The following GPBP1 variants were observed in gnomAD, a reference collection of about 807,000 sequenced individuals.
GPBP1 encodes GC-rich promoter binding protein 1, also known as vasculin.
Under a neutral mutation model 56.5 loss-of-function variants are expected in GPBP1, and 13 were observed. The ratio of observed to expected loss-of-function variants is 0.23; its 90% CI spans 0.15 to 0.37. The LOEUF (loss-of-function observed/expected upper bound fraction) is 0.37, where lower values mean the gene tolerates loss of function less well. Among genes scored for constraint, GPBP1 ranks in the 10% least tolerant of loss-of-function variants. The pLI, the probability that GPBP1 is intolerant of heterozygous loss-of-function variation, is 1.00. For missense variants in GPBP1, 477 were observed against 572.3 expected, an observed-to-expected ratio of 0.83 and a Z score of 1.70; for synonymous variants, 204 against 188.9, an observed-to-expected ratio of 1.08 and a Z score of -0.66.
At chr5:57,233,497 C>T (rs1200911749) in intron 5 of GPBP1, among the ~76,000 whole-genome samples, 1 of 152,158 alleles carries the variant, frequency 6.6e-6, no homozygotes. Flanking sequence ...AACTTAACTA[C>T]TAGTAGCCTA....
At chr5:57,208,125 C>G (rs1755314349) in intron 2 of GPBP1, among the ~76,000 whole-genome samples, 1 of 152,088 alleles carries the variant, frequency 6.6e-6, no homozygotes, top group South Asian at 2.1e-4. Context: ...AGGGACCATG[C>G]CCTTCCCTTC....
In GPBP1 at chr5:57,225,200, T is replaced by A. The variant is rs191408318; in HGVS notation, c.64-5646T>A. ...TTCGCCGGGCACGGTAGCTCATGCCTGTAATCCCAGCACTTTGGGAGGCCA... is the reference window on the plus strand; with the variant it reads ...TTCGCCGGGCACGGTAGCTCATGCCAGTAATCCCAGCACTTTGGGAGGCCA... On this transcript the variant is annotated intron_variant, in intron 3 of 11. Coordinates refer to ENST00000506184, the MANE Select transcript of GPBP1 (RefSeq NM_022913.4). 4.6e-4 allele frequency among the ~76,000 whole-genome samples: 70 copies of A among 152,238 alleles called. No individual in the cohort carries two copies. In the East Asian group the frequency reaches 0.012, roughly 27 times the overall value.
intron 2 of GPBP1, among the ~76,000 whole-genome samples, chr5:57,206,863 C>G (rs1389916922): frequency 3.3e-5 from 5 of 152,116 alleles, no homozygotes. Flanking sequence ...GTTTTGATCA[C>G]TATGGCCAAG....
At chr5:57,229,860 A>G (rs903335350) in intron 3 of GPBP1, among the ~76,000 whole-genome samples, 1 of 150,960 alleles carries the variant, frequency 6.6e-6, no homozygotes, top group Non-Finnish European at 1.5e-5. Context: ...TTTATTGATC[A>G]TTTTCATGCA....
chr5:57,254,307 T>C (rs1741539544), intron 10 of GPBP1, among the ~76,000 whole-genome samples: 1 of 152,228 alleles, frequency 6.6e-6, no homozygotes, highest in African/African-American at 2.4e-5. Flanking sequence ...ATTATTACTT[T>C]ATCTTCGTGG....
chr5:57,210,324 C>CA (rs1383775432), intron 2 of GPBP1, among the ~76,000 whole-genome samples: 1 of 151,848 alleles, frequency 6.6e-6, no homozygotes, highest in African/African-American at 2.4e-5. Context: ...AATTGGGTGA[C>CA]AGAGAAAAAA....
chr5:57,246,575 TG>T, intron 7 of GPBP1, 91 bp downstream of exon 7: 1 of 1,057,058 alleles, frequency 9.5e-7, no homozygotes, highest in Non-Finnish European at 1.3e-6. Context: ...AAAGTGTGTA[TG>T]GAGGTACTTC....
At chr5:57,226,969 G>C (rs1001417800) in intron 3 of GPBP1, among the ~76,000 whole-genome samples, 1 of 151,966 alleles carries the variant, frequency 6.6e-6, no homozygotes, top group African/African-American at 2.4e-5. Context: ...TCGATCTCCT[G>C]ACCTCGTGAT....
intron 2 of GPBP1, among the ~76,000 whole-genome samples, chr5:57,177,286 CGTTA>C (rs1429742041): frequency 1.3e-5 from 2 of 151,684 alleles, no homozygotes; most frequent in African/African-American, 2.4e-5. Context: ...TTTTAGTTAC[CGTTA>C]GTTACTACAT....
intron 5 of GPBP1, among the ~76,000 whole-genome samples, chr5:57,235,403 TTTTTC>T (rs1487793821): frequency 2.0e-5 from 3 of 151,936 alleles, no homozygotes; most frequent in Non-Finnish European, 1.5e-5. Flanking sequence ...TTCTCTTGAG[TTTTTC>T]TTTTCTTTTT....
chr5:57,211,892 T>G (rs533682652), intron 2 of GPBP1, among the ~76,000 whole-genome samples: 4 of 151,936 alleles, frequency 2.6e-5, no homozygotes, highest in Non-Finnish European at 4.4e-5. Context: ...TTTTTACCAT[T>G]TTGTATGATA....
chr5:57,174,530 C>G (rs1343906069), intron 1 of GPBP1, among the ~76,000 whole-genome samples: 1 of 152,122 alleles, frequency 6.6e-6, no homozygotes, highest in Admixed American at 6.5e-5. Flanking sequence ...AGTGCTCGGC[C>G]TTCCTTCCCC....
intron 2 of GPBP1, among the ~76,000 whole-genome samples, chr5:57,201,405 G>T (rs777592754): frequency 1.3e-5 from 2 of 151,760 alleles, no homozygotes; most frequent in Non-Finnish European, 2.9e-5. Context: ...TTTTTAGTAG[G>T]GATGATGTTT....
chr5:57,235,613 A>G (rs1212314245), intron 5 of GPBP1, among the ~76,000 whole-genome samples: 1 of 152,224 alleles, frequency 6.6e-6, no homozygotes, highest in African/African-American at 2.4e-5. Context: ...TAGCAAAGTA[A>G]GCTGAGAGTA....
intron 3 of GPBP1, among the ~76,000 whole-genome samples, chr5:57,220,691 C>G (rs1010830232): frequency 3.9e-5 from 6 of 152,016 alleles, no homozygotes; most frequent in Admixed American, 1.3e-4. Context: ...AACTCCTGAC[C>G]TCAGGTGATC....
intron 5 of GPBP1, among the ~76,000 whole-genome samples, chr5:57,234,659 T>G (rs1031515913): frequency 1.5e-4 from 23 of 152,182 alleles, no homozygotes; most frequent in African/African-American, 5.5e-4. Context: ...CCAGCTAAAG[T>G]CAGATGTGCA....
intron 3 of GPBP1, among the ~76,000 whole-genome samples, chr5:57,217,308 C>G (rs1393347353): frequency 6.6e-6 from 1 of 152,096 alleles, no homozygotes; most frequent in Non-Finnish European, 1.5e-5. Context: ...TGCGGTGGCT[C>G]ACGCCTATAA....
At position 57,247,096 on chromosome 5, in the gene GPBP1, A is replaced by C. The variant is rs1741125579; in HGVS notation, c.685A>C (p.Thr229Pro). The C allele has an allele frequency of 6.2e-7, 1 of 1,613,110 alleles. No individual in the cohort carries two copies. ...PTKPTQWKSQTKENKVGTSFP... is the reference protein window; with the variant it reads ...PTKPTQWKSQPKENKVGTSFP... The stretch of plus-strand genomic sequence containing the variant: ...TTAGCCTACACAATGGAAAAGCCAA[A>C]CAAAAGAAAATAAAGTTGGAACTTC... Residue 229 changes from threonine (T) to proline (P), a missense_variant, in exon 8 of 12, where the codon ACA becomes CCA. By Grantham distance (38) the Thr-to-Pro change is conservative. Transcript: ENST00000506184.
intron 2 of GPBP1, among the ~76,000 whole-genome samples, chr5:57,205,582 C>CT (rs56406653): frequency 0.21 from 28,525 of 138,000 alleles, 3,196 homozygotes; most frequent in African/African-American, 0.3. Flanking sequence ...TTTATTTCCT[C>CT]TTTTTTTTTT....
Sources: allele counts gnomAD v4.1 joint callset (sites outside exome capture counted in the v4.1 genomes callset), GRCh38; gene constraint gnomAD v4.1.1; transcripts MANE v1.5; gene names NCBI Gene and HGNC (gene_info 2026-07-23, HGNC 2026-07-21).